The following PLEKHG1 variants were observed in gnomAD, a reference collection of about 807,000 sequenced individuals.
The protein encoded by PLEKHG1 is pleckstrin homology and RhoGEF domain containing G1, also known as pleckstrin homology domain-containing family G member 1.
Under a neutral mutation model 100.8 loss-of-function variants are expected in PLEKHG1, and 44 were observed. That is an observed-to-expected ratio of 0.44 (90% confidence interval 0.34 to 0.56). The LOEUF is 0.56. Among genes scored for constraint, PLEKHG1 ranks in the 20% least tolerant of loss-of-function variants. The pLI, the probability that PLEKHG1 is intolerant of heterozygous loss-of-function variation, is 0.01. For synonymous variants in PLEKHG1, 640 were observed against 662.5 expected, an observed-to-expected ratio of 0.97 and a Z score of 0.52; for missense variants, 1,545 against 1,720.9, an observed-to-expected ratio of 0.90 and a Z score of 1.81.
chr6:150,655,026 T>G (rs1778909977), intron 3 of PLEKHG1, among the ~76,000 whole-genome samples: 1 of 152,194 alleles, frequency 6.6e-6, no homozygotes, highest in Non-Finnish European at 1.5e-5. Context: ...TATGTAAAGT[T>G]TAAAATCATT....
intron 3 of PLEKHG1, among the ~76,000 whole-genome samples, chr6:150,715,434 T>G (rs955781954): frequency 6.6e-6 from 1 of 152,034 alleles, no homozygotes; most frequent in Non-Finnish European, 1.5e-5. Flanking sequence ...TGCGGAAGTG[T>G]GACACCTTTT....
chr6:150,667,911 G>T (rs1302053619), intron 3 of PLEKHG1, among the ~76,000 whole-genome samples: 1 of 152,162 alleles, frequency 6.6e-6, no homozygotes, highest in African/African-American at 2.4e-5. Context: ...CCATCAGCAG[G>T]TATTAAAATG....
At chr6:150,758,618 A>G (rs922014829) in intron 2 of PLEKHG1, among the ~76,000 whole-genome samples, 2 of 152,160 alleles carry the variant, frequency 1.3e-5, no homozygotes, top group Non-Finnish European at 2.9e-5. Context: ...TACAGGCGTG[A>G]GCCACCACAC....
upstream of PLEKHG1, among the ~76,000 whole-genome samples, chr6:150,717,227 T>G (rs1239442470): frequency 6.6e-6 from 1 of 151,586 alleles, no homozygotes; most frequent in Non-Finnish European, 1.5e-5. Context: ...TTTAGTAGAT[T>G]CTGAGTTTTA....
intron 1 of PLEKHG1, among the ~76,000 whole-genome samples, chr6:150,621,130 A>G (rs1372230384): frequency 6.6e-6 from 1 of 152,128 alleles, no homozygotes; most frequent in Non-Finnish European, 1.5e-5. Context: ...TAATACTGGC[A>G]ATGTGCTTAG....
At chr6:150,822,535 T>TA (rs1776365568) in intron 13 of PLEKHG1, among the ~76,000 whole-genome samples, 1 of 152,214 alleles carries the variant, frequency 6.6e-6, no homozygotes, top group Non-Finnish European at 1.5e-5. Context: ...GCCCATGCAG[T>TA]TGGAAATATA....
chr6:150,739,496 C>T (rs1782737052), intron 2 of PLEKHG1, among the ~76,000 whole-genome samples: 2 of 151,950 alleles, frequency 1.3e-5, no homozygotes, highest in Admixed American at 1.3e-4. Flanking sequence ...GGTGAAACTC[C>T]ATCTCTACTA....
intron 3 of PLEKHG1, among the ~76,000 whole-genome samples, chr6:150,658,916 C>A (rs1779075486): frequency 1.3e-5 from 2 of 151,912 alleles, no homozygotes; most frequent in Non-Finnish European, 2.9e-5. Context: ...TTTCTTAATT[C>A]TTTTAGCCTT....
At chr6:150,698,217 G>T (rs1780625036) in intron 3 of PLEKHG1, among the ~76,000 whole-genome samples, 1 of 152,080 alleles carries the variant, frequency 6.6e-6, no homozygotes, top group Non-Finnish European at 1.5e-5. Context: ...TTTTAAATTT[G>T]TGCATGAAAC....
rs1778271283 is a variant in PLEKHG1, at chr6:150,641,797, ACT to A, written c.-158+3675_-158+3676del. Reference sequence around the variant, plus strand: ...GCCTCAGGATAGATGTTAAATAAAAACTCTGTGATATATTTGGAAGTTCTCTT... The same window carrying A: ...GCCTCAGGATAGATGTTAAATAAAAACTGTGATATATTTGGAAGTTCTCTT... On this transcript the variant is annotated intron_variant, in intron 2 of 3. Transcript: ENST00000367326. 2.1e-5 allele frequency among the ~76,000 whole-genome samples: 3 copies of A among 146,150 alleles called. No individual in the cohort carries two copies. In the East Asian group the frequency reaches 6.1e-4, roughly 30 times the overall value.
At chr6:150,795,945 A>T (rs776818878) in intron 5 of PLEKHG1, 43 bp downstream of exon 6, 18 of 1,290,730 alleles carry the variant, frequency 1.4e-5, no homozygotes, top group East Asian at 6.9e-5. Context: ...GTTCACTTTC[A>T]CATTGTTTCA....
chr6:150,640,654 T>A (rs989840166), intron 2 of PLEKHG1, among the ~76,000 whole-genome samples: 1 of 152,176 alleles, frequency 6.6e-6, no homozygotes, highest in Non-Finnish European at 1.5e-5. Context: ...AGGCCTTGTG[T>A]AAGATACATG....
chr6:150,831,081 T>C lies in PLEKHG1; in HGVS notation c.1970T>C (p.Ile657Thr). 6.2e-7 allele frequency: 1 copy of C among 1,614,080 alleles called. No individual in the cohort carries two copies. Among genetic ancestry groups the C allele is most frequent in the Non-Finnish European group, 8.5e-7 (1 of 1,179,994 alleles). Residue 657 changes from isoleucine to threonine, a missense_variant, in exon 15 of 16, where the codon ATA becomes ACA. By Grantham distance (89) the Ile-to-Thr change is moderately conservative. Coordinates refer to ENST00000358517, the Ensembl canonical transcript of PLEKHG1. This position sits in a 1 kb window ranked among gnomAD's most constrained non-coding sequence, Gnocchi z 4.1. ...TCCATAGAGTTGACTATTGATGACA[T>C]AGACCATGTCTATGATAACATCAGT...
intron 3 of PLEKHG1, among the ~76,000 whole-genome samples, chr6:150,654,304 A>G (rs74697842): frequency 0.016 from 2,485 of 152,304 alleles, 39 homozygotes; most frequent in South Asian, 0.065. Context: ...CTTTTATTAG[A>G]GACACCAAAG....
intron 1 of PLEKHG1, among the ~76,000 whole-genome samples, chr6:150,616,064 T>A: frequency 6.6e-6 from 1 of 152,190 alleles, no homozygotes; most frequent in East Asian, 1.9e-4. Flanking sequence ...ATGGCAGTGT[T>A]GGGATCAGTG....
At chr6:150,752,449 C>G (rs1199546633) in intron 2 of PLEKHG1, among the ~76,000 whole-genome samples, 1 of 152,138 alleles carries the variant, frequency 6.6e-6, no homozygotes, top group African/African-American at 2.4e-5. Flanking sequence ...ACTCCCCATT[C>G]CCCTCTCCCC....
chr6:150,754,672 T>TC (rs1487127057), intron 2 of PLEKHG1, among the ~76,000 whole-genome samples: 6 of 149,770 alleles, frequency 4.0e-5, no homozygotes, highest in African/African-American at 1.5e-4. Flanking sequence ...TTTCTTTCTT[T>TC]TTTTTTTTTT....
chr6:150,815,112 A>G lies in PLEKHG1; in HGVS notation c.1279-3071A>G, dbSNP rs141751647. On this transcript the variant is annotated intron_variant, in intron 10 of 15. Coordinates refer to ENST00000358517, the Ensembl canonical transcript of PLEKHG1. Reference sequence around the variant, plus strand: ...ATTATCATTAAAGTGAACTTTCCACATCTTTCCTCGAGATTATTTCTTATT... The same window carrying G: ...ATTATCATTAAAGTGAACTTTCCACGTCTTTCCTCGAGATTATTTCTTATT... 3.1e-3 allele frequency among the ~76,000 whole-genome samples: 469 copies of G among 152,312 alleles called. 3 individuals are homozygous for G. The highest frequency in any genetic ancestry group is 0.011 in the African/African-American group (449 of 41,568).
intron 3 of PLEKHG1, among the ~76,000 whole-genome samples, chr6:150,773,595 T>C (rs1784811485): frequency 6.6e-6 from 1 of 152,220 alleles, no homozygotes; most frequent in South Asian, 2.1e-4. Flanking sequence ...TCTCTTTCAC[T>C]GGCCCACCCA....
Sources: gnomAD v4.1 joint callset for allele counts (sites outside exome capture counted in the v4.1 genomes callset) on GRCh38, gnomAD v4.1.1 for gene constraint, Gnocchi (gnomAD v3.1) non-coding constraint, MANE v1.5 for transcripts, NCBI Gene and HGNC (gene_info 2026-07-23, HGNC 2026-07-21) for gene names.